Variants in DMD observed in about 807,000 individuals in gnomAD.
DMD encodes mutant dystrophin.
Under a neutral mutation model 330.1 loss-of-function variants are expected in DMD, and 63 were observed. The ratio of observed to expected loss-of-function variants is 0.19; its 90% CI spans 0.16 to 0.24. The LOEUF is 0.24. Ranked by LOEUF, DMD falls within the 10% of genes least tolerant of loss-of-function variation. The pLI, the probability that DMD is intolerant of heterozygous loss-of-function variation, is 1.00. For missense variants in DMD, 3,344 were observed against 2,684.1 expected, an observed-to-expected ratio of 1.25 and a Z score of -5.43; for synonymous variants, 1,223 against 959.8, an observed-to-expected ratio of 1.27 and a Z score of -5.07.
chrX:32,376,352 A>T (rs2147404554), intron 34 of DMD, among the ~76,000 whole-genome samples: 1 of 111,555 alleles, frequency 9.0e-6, no homozygotes, highest in South Asian at 3.8e-4. Context: ...ATTCATCTCA[A>T]TGCTAGTAGT....
At chrX:31,841,802 C>T (rs757100331) in intron 48 of DMD, among the ~76,000 whole-genome samples, 2 of 112,264 alleles carry the variant, frequency 1.8e-5, no homozygotes, top group East Asian at 5.6e-4. Flanking sequence ...AAGAAAAAAT[C>T]TCTTTCAATA....
chrX:32,330,834 A>T (rs1331490998), intron 41 of DMD, among the ~76,000 whole-genome samples: 2 of 111,572 alleles, frequency 1.8e-5, no homozygotes, highest in Admixed American at 1.9e-4. Context: ...CTAGACTCAC[A>T]CTAAGTGTAT....
intron 1 of DMD, among the ~76,000 whole-genome samples, chrX:33,092,105 C>T (rs144499085): frequency 0.035 from 3,853 of 110,932 alleles, 135 homozygotes; most frequent in African/African-American, 0.094. Flanking sequence ...TGGCATATGA[C>T]AGTCAAATGC....
chrX:31,342,578 T>C (rs1337677790), intron 61 of DMD, among the ~76,000 whole-genome samples: 1 of 111,850 alleles, frequency 8.9e-6, no homozygotes, highest in Non-Finnish European at 1.9e-5. Context: ...AATATAACAT[T>C]AATGTTTTAA....
chrX:32,441,781 TAAG>T (rs1220371185), intron 27 of DMD, among the ~76,000 whole-genome samples: 1 of 111,493 alleles, frequency 9.0e-6, no homozygotes, highest in East Asian at 2.8e-4. Flanking sequence ...TCTGTATTAC[TAAG>T]AAGACATATT....
intron 67 of DMD, among the ~76,000 whole-genome samples, chrX:31,201,888 C>T (rs1196723897): frequency 8.9e-6 from 1 of 112,002 alleles, no homozygotes; most frequent in Non-Finnish European, 1.9e-5. Context: ...CACTAGAACT[C>T]AAAGAGTAAC....
At chrX:32,233,038 T>G (rs1480542787) in intron 43 of DMD, among the ~76,000 whole-genome samples, 1 of 112,644 alleles carries the variant, frequency 8.9e-6, no homozygotes. Flanking sequence ...ATTCATTTAC[T>G]CAATCTTTTG....
intron 18 of DMD, among the ~76,000 whole-genome samples, chrX:32,514,400 T>C (rs1376148624): frequency 8.9e-6 from 1 of 112,004 alleles, no homozygotes; most frequent in African/African-American, 3.2e-5. Context: ...GTTGAAAATA[T>C]ACTTAGGATG....
intron 51 of DMD, among the ~76,000 whole-genome samples, chrX:31,750,928 C>G (rs1399988464): frequency 1.9e-5 from 2 of 106,661 alleles, no homozygotes; most frequent in Non-Finnish European, 3.9e-5. Context: ...ACCTAGGAAT[C>G]CAACTTACAA....
At position 31,671,058 on chromosome X, in the gene DMD, G is replaced by A. The variant is rs188469482; in HGVS notation, c.7872+8317C>T. ...CTCCTGAGTAGCTGGGACTACAGGCGCCCGCCACCGTGCCCAGCTAATTTT... is the reference window on the plus strand; with the variant it reads ...CTCCTGAGTAGCTGGGACTACAGGCACCCGCCACCGTGCCCAGCTAATTTT... On this transcript the variant is annotated intron_variant, in intron 53 of 78. Coordinates refer to ENST00000357033, the MANE Select transcript of DMD (RefSeq NM_004006.3). Among the ~76,000 whole-genome samples the A allele has an allele frequency of 5.3e-3, 591 of 110,868 alleles. 2 individuals are homozygous for A. The highest frequency in any genetic ancestry group is 0.023 in the Middle Eastern group (5 of 213).
intron 47 of DMD, among the ~76,000 whole-genome samples, chrX:31,925,550 A>G (rs1202337624): frequency 9.0e-6 from 1 of 111,601 alleles, no homozygotes; most frequent in African/African-American, 3.3e-5. Flanking sequence ...ACTGGGGCAG[A>G]AAAAGAGTGG....
chrX:32,642,561 C>T (rs369497429), intron 11 of DMD, among the ~76,000 whole-genome samples: 1 of 111,764 alleles, frequency 8.9e-6, no homozygotes, highest in East Asian at 2.8e-4. Flanking sequence ...TGGCAGACAT[C>T]CCTTGAAGGG....
At chrX:32,964,219 T>C (rs1482101890) in intron 2 of DMD, among the ~76,000 whole-genome samples, 2 of 90,442 alleles carry the variant, frequency 2.2e-5, no homozygotes, top group Non-Finnish European at 4.1e-5. Flanking sequence ...ATCACGCTGC[T>C]GCACTCCAGC....
intron 1 of DMD, among the ~76,000 whole-genome samples, chrX:33,196,434 G>C (rs1186113633): frequency 9.0e-6 from 1 of 110,969 alleles, no homozygotes; most frequent in African/African-American, 3.3e-5. Context: ...AATCTTATTT[G>C]TTTTAGAAAC....
chrX:31,750,649 A>C (rs1175046115), intron 51 of DMD, among the ~76,000 whole-genome samples: 5 of 110,567 alleles, frequency 4.5e-5, no homozygotes, highest in African/African-American at 1.3e-4. Context: ...TGGCCAGGGC[A>C]ATCAGGCAGG....
At chrX:32,751,890 G>A (rs780097996) in intron 7 of DMD, among the ~76,000 whole-genome samples, 15 of 112,915 alleles carry the variant, frequency 1.3e-4, no homozygotes, top group East Asian at 2.8e-4. Flanking sequence ...TTCAGAGGGC[G>A]GAAGCCCAAG....
chrX:32,419,066 A>G (rs993036802), intron 29 of DMD, among the ~76,000 whole-genome samples: 1 of 109,439 alleles, frequency 9.1e-6, no homozygotes, highest in African/African-American at 3.3e-5. Flanking sequence ...TTAGATAGGA[A>G]CACTTTATTT....
chrX:32,586,226 C>T, intron 13 of DMD, among the ~76,000 whole-genome samples: 1 of 110,005 alleles, frequency 9.1e-6, no homozygotes, highest in Admixed American at 9.7e-5. Flanking sequence ...TCAAAATAGC[C>T]AAAGGTGTAT....
intron 13 of DMD, among the ~76,000 whole-genome samples, chrX:32,594,653 A>T (rs978860417): frequency 5.4e-5 from 6 of 111,236 alleles, no homozygotes; most frequent in African/African-American, 9.8e-5. Flanking sequence ...TTTGTGTTAA[A>T]TTTTTTTATG....
Sources: gnomAD v4.1 joint callset for allele counts (sites outside exome capture counted in the v4.1 genomes callset) on GRCh38, gnomAD v4.1.1 for gene constraint, MANE v1.5 for transcripts, NCBI Gene and HGNC (gene_info 2026-07-23, HGNC 2026-07-21) for gene names.